The following OTC variants were observed in gnomAD, a reference collection of about 807,000 sequenced individuals.
OTC encodes the protein ornithine transcarbamylase, also known as ornithine transcarbamylase, mitochondrial.
A neutral mutation model predicts 30.3 loss-of-function variants in OTC; 3 were observed. The observed-to-expected ratio is 0.10, with a 90% CI of 0.05 to 0.26. The LOEUF (loss-of-function observed/expected upper bound fraction) is 0.26, where lower values mean the gene tolerates loss of function less well. Ranked by LOEUF, OTC falls within the 10% of genes least tolerant of loss-of-function variation. The pLI is 1.00. For synonymous variants in OTC, 111 were observed against 99.7 expected (o/e 1.11, Z -0.67); for missense variants, 194 against 260.3 (o/e 0.75, Z 1.75).
intron 9 of OTC, among the ~76,000 whole-genome samples, chrX:38,413,172 C>A (rs1602035236): frequency 8.9e-6 from 1 of 112,052 alleles, no homozygotes; most frequent in East Asian, 2.8e-4. Context: ...TAGAGAAAAG[C>A]AAGCTGGAAA....
intron 1 of OTC, among the ~76,000 whole-genome samples, chrX:38,357,305 G>T (rs1459700279): frequency 8.9e-6 from 1 of 112,046 alleles, no homozygotes; most frequent in Non-Finnish European, 1.9e-5. Flanking sequence ...GATCAAGCTG[G>T]CCAATCTACC....
At chrX:38,362,435 A>C (rs1333270466) in intron 1 of OTC, among the ~76,000 whole-genome samples, 1 of 111,901 alleles carries the variant, frequency 8.9e-6, no homozygotes, top group Non-Finnish European at 1.9e-5. Flanking sequence ...GCTGCCATGG[A>C]AAGTCTAGAG....
At chrX:38,422,871 G>A (rs748986261), downstream of OTC, among the ~76,000 whole-genome samples, 21 of 111,405 alleles carry the variant, frequency 1.9e-4, no homozygotes, top group African/African-American at 5.5e-4. Context: ...GAAGTTTAAC[G>A]AAAATTCTAG....
Position 38,352,666 on chromosome X carries a change from A to G in OTC, c.-31A>G, listed in dbSNP as rs773906773. The G allele has an allele frequency of 2.7e-6, 3 of 1,116,276 alleles. No homozygotes were observed. Among genetic ancestry groups the G allele is most frequent in the African/African-American group, 3.6e-5 (2 of 55,455 alleles). The allele number at this position is 1,116,276 out of a possible 1,213,427, so 92.0% of individuals were successfully genotyped here. On this transcript the variant is annotated 5_prime_UTR_variant, in exon 1 of 10. Coordinates refer to ENST00000039007, the MANE Select transcript of OTC (RefSeq NM_000531.6). ...AACTTGCTGTGGAGTTTTCAAGGGC[A>G]TAGAATCGTCCTTTACACAATTAAA... is the stretch of plus-strand genomic sequence containing the variant.
At chrX:38,387,416 A>C (rs1379759948) in intron 4 of OTC, among the ~76,000 whole-genome samples, 1 of 112,431 alleles carries the variant, frequency 8.9e-6, no homozygotes, top group East Asian at 2.8e-4. Context: ...GGAGAGAAAA[A>C]ACTGTATTGT....
chrX:38,391,763 T>C (rs772868612), intron 4 of OTC, among the ~76,000 whole-genome samples: 198 of 111,761 alleles, frequency 1.8e-3, no homozygotes, highest in African/African-American at 5.7e-3. Flanking sequence ...GCTCATCTTG[T>C]ACATTTCTTT....
At chrX:38,414,927 C>T (rs1172938128) in intron 9 of OTC, among the ~76,000 whole-genome samples, 1 of 110,324 alleles carries the variant, frequency 9.1e-6, no homozygotes, top group African/African-American at 3.3e-5. Context: ...CTCTGCCAGG[C>T]ATTGGAGATT....
At chrX:38,409,414 C>T (rs1438806872) in intron 8 of OTC, among the ~76,000 whole-genome samples, 2 of 112,669 alleles carry the variant, frequency 1.8e-5, no homozygotes, top group East Asian at 5.6e-4. Flanking sequence ...CTCTATTTTC[C>T]AAGGACCTCT....
At chrX:38,400,238 G>T in intron 4 of OTC, among the ~76,000 whole-genome samples, 1 of 111,202 alleles carries the variant, frequency 9.0e-6, no homozygotes, top group African/African-American at 3.3e-5. Context: ...TTGAAAATCT[G>T]GGAGCCATGG....
At chrX:38,348,775 T>C (rs1247421616), upstream of OTC, among the ~76,000 whole-genome samples, 3 of 111,070 alleles carry the variant, frequency 2.7e-5, no homozygotes, top group Non-Finnish European at 5.7e-5. Context: ...CTAAGAACTA[T>C]TTTTATACCT....
chrX:38,416,219 C>G (rs757830025), intron 9 of OTC, among the ~76,000 whole-genome samples: 5 of 111,824 alleles, frequency 4.5e-5, no homozygotes, highest in Non-Finnish European at 7.5e-5. Context: ...CCTCTTTCAG[C>G]ACTCAGAGTA....
At chrX:38,345,076 C>G in the OTC span, among the ~76,000 whole-genome samples, 2 of 110,896 alleles carry the variant, frequency 1.8e-5, no homozygotes, top group Non-Finnish European at 1.9e-5. Flanking sequence ...GTGGCACACA[C>G]CTATACTCCT....
intron 4 of OTC, among the ~76,000 whole-genome samples, chrX:38,392,653 G>A (rs1012822627): frequency 8.9e-6 from 1 of 112,243 alleles, no homozygotes; most frequent in African/African-American, 3.2e-5. Flanking sequence ...GTCTAGTTAA[G>A]TGTCTTTAAT....
the OTC span, among the ~76,000 whole-genome samples, chrX:38,336,672 A>G: frequency 9.0e-6 from 1 of 110,686 alleles, no homozygotes. Context: ...TAGTCTCCAG[A>G]GCAAAGTCCT....
At chrX:38,338,184 A>G in the OTC span, among the ~76,000 whole-genome samples, 1 of 112,200 alleles carries the variant, frequency 8.9e-6, no homozygotes, top group African/African-American at 3.2e-5. Flanking sequence ...GGATCAAACC[A>G]AAGTCTGAAT....
At chrX:38,396,046 G>A (rs770228220) in intron 4 of OTC, among the ~76,000 whole-genome samples, 216 of 107,275 alleles carry the variant, frequency 2.0e-3, no homozygotes, top group African/African-American at 5.3e-3. Flanking sequence ...TCTGCCTCCC[G>A]GATTCAAGTG....
chrX:38,419,224 T>C (rs1381590397), intron 9 of OTC, among the ~76,000 whole-genome samples: 1 of 112,171 alleles, frequency 8.9e-6, no homozygotes, highest in Non-Finnish European at 1.9e-5. Flanking sequence ...TACCGTGTGG[T>C]TTTTATTAAA....
chrX:38,344,906 A>G, the OTC span, among the ~76,000 whole-genome samples: 33 of 110,474 alleles, frequency 3.0e-4, no homozygotes, highest in African/African-American at 7.9e-4. Context: ...AAAAAAAAAA[A>G]AAGAAGAAGA....
At chrX:38,420,215 G>A (rs998092268) in intron 9 of OTC, among the ~76,000 whole-genome samples, 1 of 111,191 alleles carries the variant, frequency 9.0e-6, no homozygotes, top group East Asian at 2.8e-4. Context: ...TGCACTATCT[G>A]TCATCTCAAG....
Sources: allele counts gnomAD v4.1 joint callset (sites outside exome capture counted in the v4.1 genomes callset), GRCh38; gene constraint gnomAD v4.1.1; transcripts MANE v1.5; gene names NCBI Gene and HGNC (gene_info 2026-07-23, HGNC 2026-07-21).